TLL2: variants seen among roughly 807,000 people sequenced by gnomAD.
TLL2 encodes the protein tolloid like 2.
Under a neutral mutation model 123.0 loss-of-function variants are expected in TLL2, and 106 were observed. That is an observed-to-expected ratio of 0.86 (90% CI 0.74 to 1.01). The LOEUF (loss-of-function observed/expected upper bound fraction) is 1.01, where lower values mean the gene tolerates loss of function less well. Ranked by LOEUF, TLL2 falls within the 50% of genes least tolerant of loss-of-function variation. TLL2 has a pLI of 0.00. For synonymous variants in TLL2, 494 were observed against 516.8 expected, an observed-to-expected ratio of 0.96 and a Z score of 0.60; for missense variants, 1,332 against 1,336.7, an observed-to-expected ratio of 1.00 and a Z score of 0.06.
intron 2 of TLL2, among the ~76,000 whole-genome samples, chr10:96,474,805 G>A (rs928199194): frequency 2.0e-5 from 3 of 152,174 alleles, no homozygotes; most frequent in African/African-American, 7.2e-5. Context: ...TGAAGGCCAG[G>A]TGTTGGCAGC....
chr10:96,424,022 A>G (rs757860280), intron 5 of TLL2, among the ~76,000 whole-genome samples: 3 of 152,216 alleles, frequency 2.0e-5, no homozygotes, highest in African/African-American at 7.2e-5. Context: ...ATGGAACTGG[A>G]GATCATTATG....
chr10:96,449,967 T>C (rs1846939799), intron 2 of TLL2, among the ~76,000 whole-genome samples: 2 of 152,156 alleles, frequency 1.3e-5, no homozygotes, highest in South Asian at 4.1e-4. Flanking sequence ...CACCACCCTC[T>C]CCACAAGGTA....
In TLL2 at chr10:96,373,686, G is replaced by C. The variant is rs762658680; in HGVS notation, c.2572C>G (p.Pro858Ala). The change falls in exon 19 of 21, where the codon CCC (proline) becomes GCC (alanine). Residue 858 changes from proline (P) to alanine (A), a missense_variant. By Grantham distance (27) the Pro-to-Ala change is conservative. Transcript: ENST00000357947. ...ATACTGCTGCCGGAAGCCACCGTGGGGTCTGGTTTCTTGCTGCCGCAGAAA... is the reference window on the plus strand; with the variant it reads ...ATACTGCTGCCGGAAGCCACCGTGGCGTCTGGTTTCTTGCTGCCGCAGAAA... ...GRFCGSKKPD[P>A]TVASGSSMFL... The C allele has an allele frequency of 6.2e-7, 1 of 1,614,226 alleles. No homozygotes were observed.
At chr10:96,422,790 C>A in intron 5 of TLL2, 63 bp from the exon 6 acceptor site, 1 of 1,583,244 alleles carries the variant, frequency 6.3e-7, no homozygotes, top group South Asian at 1.1e-5. Flanking sequence ...AGAGGCAAGT[C>A]CCCCCTCCCA....
chr10:96,397,071 C>T, intron 11 of TLL2, 115 bp downstream of exon 11: 2 of 905,640 alleles, frequency 2.2e-6, no homozygotes, highest in Non-Finnish European at 3.3e-6. Context: ...GGTGGCTGCC[C>T]CCACCCCTGT....
At chr10:96,378,003 G>T (rs1323916607) in intron 17 of TLL2, among the ~76,000 whole-genome samples, 1 of 152,234 alleles carries the variant, frequency 6.6e-6, no homozygotes, top group African/African-American at 2.4e-5. Context: ...CCATCTCACA[G>T]GGGCTTGACT....
Position 96,367,780 on chromosome 10 carries a change from G to C in TLL2, c.*308C>G. 3.6e-6 allele frequency: 1 copy of C among 281,330 alleles called. No homozygotes were observed. The highest frequency in any genetic ancestry group is 6.9e-6 in the Non-Finnish European group (1 of 144,216). The allele number at this position is 281,330 out of a possible 1,614,324, so 17.4% of individuals were successfully genotyped here. On this transcript the variant is annotated 3_prime_UTR_variant, in exon 21 of 21. Transcript: ENST00000357947. ...TGACCTTTTGCCACATAGGAGCAAG[G>C]GACAAGGAGAATGGTATGAAGAAGC...
At chr10:96,414,537 T>C (rs1215828606) in intron 7 of TLL2, among the ~76,000 whole-genome samples, 1 of 152,008 alleles carries the variant, frequency 6.6e-6, no homozygotes, top group Non-Finnish European at 1.5e-5. Context: ...CCTTCAGTGA[T>C]GCCCCTTGGG....
At chr10:96,487,940 A>G (rs747420405) in intron 1 of TLL2, among the ~76,000 whole-genome samples, 14 of 152,168 alleles carry the variant, frequency 9.2e-5, no homozygotes, top group African/African-American at 3.4e-4. Flanking sequence ...ACGGTGCAGT[A>G]TGGGCCCAGT....
At chr10:96,429,960 C>G (rs1008336867) in intron 4 of TLL2, among the ~76,000 whole-genome samples, 1 of 152,048 alleles carries the variant, frequency 6.6e-6, no homozygotes, top group Non-Finnish European at 1.5e-5. Flanking sequence ...TTCCTAGAAG[C>G]AATGAGAAGG....
chr10:96,483,165 T>A (rs57693102), intron 1 of TLL2, among the ~76,000 whole-genome samples: 56,570 of 152,094 alleles, frequency 0.37, 10,762 homozygotes, highest in Middle Eastern at 0.51. Context: ...AAATGACCCT[T>A]GGGCCTCCAT....
chr10:96,370,725 G>A (rs1846074603), intron 19 of TLL2, among the ~76,000 whole-genome samples: 1 of 152,192 alleles, frequency 6.6e-6, no homozygotes, highest in South Asian at 2.1e-4. Flanking sequence ...TCGCCCCACC[G>A]ACTGACTGCA....
At chr10:96,455,270 A>G (rs186808238) in intron 2 of TLL2, among the ~76,000 whole-genome samples, 1 of 152,280 alleles carries the variant, frequency 6.6e-6, no homozygotes, top group Admixed American at 6.5e-5. Context: ...TATTAAAGAT[A>G]TAATCTAAGA....
At chr10:96,496,695 C>A (rs189208503) in intron 1 of TLL2, among the ~76,000 whole-genome samples, 1 of 152,348 alleles carries the variant, frequency 6.6e-6, no homozygotes, top group East Asian at 1.9e-4. Context: ...GTTGAATCAA[C>A]AAACACACCT....
At chr10:96,510,934 C>T (rs577249414) in intron 1 of TLL2, among the ~76,000 whole-genome samples, 1 of 152,268 alleles carries the variant, frequency 6.6e-6, no homozygotes, top group South Asian at 2.1e-4. Flanking sequence ...TCTAACAAGG[C>T]AGACATTTTC....
intron 2 of TLL2, among the ~76,000 whole-genome samples, chr10:96,448,756 G>A (rs2134088540): frequency 6.6e-6 from 1 of 152,270 alleles, no homozygotes; most frequent in South Asian, 2.1e-4. Flanking sequence ...CCCTGGGGTG[G>A]GAGTGTGCTT....
chr10:96,445,998 T>C, intron 3 of TLL2, 93 bp downstream of exon 3: 4 of 1,271,562 alleles, frequency 3.1e-6, no homozygotes, highest in Non-Finnish European at 4.6e-6. Flanking sequence ...CACTAAAGGG[T>C]ATGCTTTAAA....
intron 3 of TLL2, among the ~76,000 whole-genome samples, chr10:96,437,200 C>G (rs1191800018): frequency 6.6e-6 from 1 of 152,024 alleles, no homozygotes; most frequent in East Asian, 1.9e-4. Context: ...TATAAAGTAG[C>G]TTTTTATAAA....
intron 1 of TLL2, among the ~76,000 whole-genome samples, chr10:96,481,286 C>A (rs1476587824): frequency 6.6e-6 from 1 of 152,006 alleles, no homozygotes; most frequent in African/African-American, 2.4e-5. Context: ...AGCTAGGACT[C>A]CAGGCATGTG....
Sources: allele counts gnomAD v4.1 joint callset (sites outside exome capture counted in the v4.1 genomes callset), GRCh38; gene constraint gnomAD v4.1.1; transcripts MANE v1.5; gene names NCBI Gene and HGNC (gene_info 2026-07-23, HGNC 2026-07-21).